RANBP17: variants seen among roughly 807,000 people sequenced by gnomAD.
RANBP17 encodes the protein ran-binding protein 17.
In RANBP17, 158 loss-of-function variants were observed where a neutral mutation model predicts 141.2. That is an observed-to-expected ratio of 1.12 (90% CI 0.98 to 1.28). The LOEUF (loss-of-function observed/expected upper bound fraction) is 1.28, where lower values mean the gene tolerates loss of function less well. RANBP17 is among the 50% of genes most tolerant of loss of function. RANBP17 has a pLI of 0.00. For missense variants in RANBP17, 1,438 were observed against 1,290.7 expected (o/e 1.11, Z -1.75); for synonymous variants, 430 against 450.0 (o/e 0.96, Z 0.56).
chr5:171,003,134 A>C (rs1779342558), intron 14 of RANBP17, among the ~76,000 whole-genome samples: 1 of 152,182 alleles, frequency 6.6e-6, no homozygotes, highest in South Asian at 2.1e-4. Context: ...TAAAACAGTA[A>C]GGTCAATTGT....
chr5:171,079,737 C>T (rs1785149079), intron 14 of RANBP17, among the ~76,000 whole-genome samples: 2 of 152,252 alleles, frequency 1.3e-5, no homozygotes, highest in South Asian at 4.1e-4. Flanking sequence ...ATTTTTTAGA[C>T]ATAGTGTGAT....
chr5:171,095,099 G>A (rs562972402), intron 14 of RANBP17, among the ~76,000 whole-genome samples: 8 of 152,116 alleles, frequency 5.3e-5, no homozygotes, highest in Non-Finnish European at 1.2e-4. Context: ...CCAGAACTGT[G>A]AGCCAAATAA....
chr5:171,237,888 C>T (rs1764636538), intron 22 of RANBP17, among the ~76,000 whole-genome samples: 1 of 152,106 alleles, frequency 6.6e-6, no homozygotes, highest in Admixed American at 6.6e-5. Context: ...AAACCTAAGC[C>T]CTGTCACTTT....
chr5:170,988,996 A>T (rs1037111962), intron 14 of RANBP17, among the ~76,000 whole-genome samples: 1 of 151,840 alleles, frequency 6.6e-6, no homozygotes, highest in Non-Finnish European at 1.5e-5. Context: ...CAAGTTGCTT[A>T]AAGTAAGATC....
intron 21 of RANBP17, among the ~76,000 whole-genome samples, chr5:171,220,424 T>G (rs1193861423): frequency 6.9e-6 from 1 of 144,176 alleles, no homozygotes; most frequent in Non-Finnish European, 1.5e-5. Flanking sequence ...GCCATCTTGG[T>G]CCCTCCCCAG....
At chr5:171,195,243 A>G (rs920513067) in intron 18 of RANBP17, among the ~76,000 whole-genome samples, 6 of 152,240 alleles carry the variant, frequency 3.9e-5, no homozygotes, top group Non-Finnish European at 8.8e-5. Context: ...AAATAATCAT[A>G]TATACATTTG....
At chr5:171,294,921 C>G (rs189390332) in intron 26 of RANBP17, among the ~76,000 whole-genome samples, 1 of 152,258 alleles carries the variant, frequency 6.6e-6, no homozygotes, top group East Asian at 1.9e-4. Flanking sequence ...TAATAATTTT[C>G]TATTTGGTGT....
chr5:170,914,318 C>T, intron 8 of RANBP17, 78 bp downstream of exon 8: 2 of 838,966 alleles, frequency 2.4e-6, no homozygotes, highest in East Asian at 2.7e-5. Context: ...TTCAAAAATT[C>T]TGTTTATATA....
chr5:171,011,134 CA>C (rs1182860813), intron 14 of RANBP17, among the ~76,000 whole-genome samples: 2 of 152,018 alleles, frequency 1.3e-5, no homozygotes, highest in African/African-American at 4.8e-5. Context: ...CTCATGAGCA[CA>C]AATACAAAAA....
Position 170,911,130 on chromosome 5 carries a change from A to G in RANBP17, c.756A>G (p.Arg252=). 1 of 1,611,120 alleles carries G rather than the reference A, an allele frequency of 6.2e-7. No homozygotes were observed. Among genetic ancestry groups the G allele is most frequent in the East Asian group, 2.2e-5 (1 of 44,726 alleles). The change falls in exon 7 of 28, where the codon AGA becomes AGG. Residue 252 remains arginine, a synonymous_variant. Coordinates refer to ENST00000523189, the MANE Select transcript of RANBP17 (RefSeq NM_022897.5). ...CGGTGCAGATTCCAACAACTTGGAG[A>G]ACAAGTAAGAAAAAACTTTGGTATG... ...LCTVQIPTTW[R]TIFLEPETLD... is the part of the protein sequence containing the mutation.
intron 6 of RANBP17, 109 bp downstream of exon 6, chr5:170,909,874 AT>A (rs1771393374): frequency 2.1e-5 from 14 of 661,500 alleles, no homozygotes; most frequent in Non-Finnish European, 3.2e-5. Flanking sequence ...TTAAAGAATT[AT>A]TGTGGACAGA....
intron 6 of RANBP17, 115 bp downstream of exon 6, chr5:170,909,880 GACAGAC>G: frequency 1.6e-6 from 1 of 644,864 alleles, no homozygotes; most frequent in African/African-American, 1.9e-5. Context: ...AATTATTGTG[GACAGAC>G]TTAAGTATAG....
chr5:171,086,268 A>G (rs1229221910), intron 14 of RANBP17, among the ~76,000 whole-genome samples: 1 of 142,614 alleles, frequency 7.0e-6, no homozygotes, highest in Non-Finnish European at 1.5e-5. Flanking sequence ...GATTACATTT[A>G]TTGATTTGCG....
chr5:171,294,798 T>A (rs1466636565), intron 26 of RANBP17, among the ~76,000 whole-genome samples: 1 of 152,236 alleles, frequency 6.6e-6, no homozygotes, highest in African/African-American at 2.4e-5. Flanking sequence ...AGCAGTTCTT[T>A]TAAAATGATT....
chr5:171,210,208 A>G (rs139687082), intron 20 of RANBP17, among the ~76,000 whole-genome samples: 1 of 152,228 alleles, frequency 6.6e-6, no homozygotes, highest in African/African-American at 2.4e-5. Context: ...GGCCATTGGA[A>G]AATTAAACTC....
chr5:171,031,894 A>C (rs1305347211), intron 14 of RANBP17, among the ~76,000 whole-genome samples: 1 of 152,082 alleles, frequency 6.6e-6, no homozygotes, highest in African/African-American at 2.4e-5. Context: ...GTCTCAAGTT[A>C]ATAGCCACAG....
At chr5:171,060,525 G>A (rs2127670881) in intron 14 of RANBP17, among the ~76,000 whole-genome samples, 1 of 152,224 alleles carries the variant, frequency 6.6e-6, no homozygotes, top group East Asian at 1.9e-4. Context: ...ACTTGATCAT[G>A]GTGGATAAGC....
intron 27 of RANBP17, among the ~76,000 whole-genome samples, chr5:171,296,309 A>G (rs1244696492): frequency 6.6e-6 from 1 of 152,232 alleles, no homozygotes; most frequent in Non-Finnish European, 1.5e-5. Flanking sequence ...TGAAAGATCA[A>G]AAGAAGGAAA....
At chr5:171,125,002 G>A (rs1413758899) in intron 14 of RANBP17, among the ~76,000 whole-genome samples, 1 of 152,158 alleles carries the variant, frequency 6.6e-6, no homozygotes, top group African/African-American at 2.4e-5. Flanking sequence ...TAGATTGAAA[G>A]TAAAGGGATG....
Sources: gnomAD v4.1 joint callset for allele counts (sites outside exome capture counted in the v4.1 genomes callset) on GRCh38, gnomAD v4.1.1 for gene constraint, MANE v1.5 for transcripts, NCBI Gene and HGNC (gene_info 2026-07-23, HGNC 2026-07-21) for gene names.